Variants in RAD50 observed in about 807,000 individuals in gnomAD.
The protein encoded by RAD50 is DNA repair protein RAD50.
Under a neutral mutation model 168.8 loss-of-function variants are expected in RAD50, and 132 were observed. That is an observed-to-expected ratio of 0.78 (90% CI 0.68 to 0.90). RAD50 has a LOEUF of 0.90. Ranked by LOEUF, RAD50 falls within the 40% of genes least tolerant of loss-of-function variation. The pLI is 0.00. For missense variants in RAD50, 1,347 were observed against 1,534.4 expected, an observed-to-expected ratio of 0.88 and a Z score of 2.04; for synonymous variants, 525 against 497.4, an observed-to-expected ratio of 1.06 and a Z score of -0.74.
At chr5:132,608,210 G>C (rs1460367044) in intron 16 of RAD50, among the ~76,000 whole-genome samples, 1 of 152,210 alleles carries the variant, frequency 6.6e-6, no homozygotes, top group Non-Finnish European at 1.5e-5. Context: ...TGATCATGCA[G>C]CAGTGACGGG....
chr5:132,637,091 A>G (rs1456324606), intron 21 of RAD50, 24 bp from the exon 22 acceptor site: 3 of 1,582,206 alleles, frequency 1.9e-6, no homozygotes, highest in Non-Finnish European at 2.6e-6. Context: ...ATATATATGA[A>G]GTACCAATGA....
chr5:132,641,207 A>T (rs1190785685), intron 24 of RAD50, among the ~76,000 whole-genome samples: 1 of 152,168 alleles, frequency 6.6e-6, no homozygotes, highest in East Asian at 1.9e-4. Context: ...CCAGCTTTCC[A>T]CATGTGTCAG....
In RAD50 at chr5:132,589,610, AT is replaced by A; in HGVS notation, c.1246-19del. On this transcript the variant is annotated intron_variant, in intron 8 of 24. Coordinates refer to ENST00000378823, the MANE Select transcript of RAD50 (RefSeq NM_005732.4). ...ATTGTTTAGTAAATTATTAATGCTC[AT>A]TCTTTACATATGCATTTAGAATGAC... The A allele has an allele frequency of 6.6e-7, 1 of 1,518,256 alleles. No homozygotes were observed. Among genetic ancestry groups the A allele is most frequent in the Non-Finnish European group, 8.9e-7 (1 of 1,119,110 alleles). The allele number at this position is 1,518,256 out of a possible 1,614,324, so 94.0% of individuals were successfully genotyped here. A position where few individuals can be genotyped will look rare whatever the true frequency, so the allele number is the denominator to read the frequency against.
intron 1 of RAD50, 73 bp downstream of exon 1, chr5:132,557,526 C>T (rs1368508819): frequency 6.3e-7 from 1 of 1,592,628 alleles, no homozygotes; most frequent in East Asian, 2.2e-5. Context: ...AAGTTGAGAA[C>T]TCTCCTTAGG....
rs1361516051 is a variant in RAD50, at chr5:132,594,911, T to C, written c.1836T>C (p.Asn612=). 1 of 1,606,970 alleles carries C rather than the reference T, an allele frequency of 6.2e-7. No homozygotes were observed. The highest frequency in any genetic ancestry group is 1.1e-5 in the South Asian group (1 of 90,910). ...ASSEQNKNHI[N]NELKRKEEQL... ...CTGAGCAGAATAAAAATCATATAAA[T>C]AATGAACTAAAAAGAAAGGAAGAGC... Residue 612 remains asparagine (N), a synonymous_variant, in exon 12 of 25, where the codon AAT becomes AAC. Coordinates refer to ENST00000378823, the MANE Select transcript of RAD50 (RefSeq NM_005732.4).
At chr5:132,562,816 C>T (rs1433630109) in intron 2 of RAD50, among the ~76,000 whole-genome samples, 2 of 152,050 alleles carry the variant, frequency 1.3e-5, no homozygotes, top group African/African-American at 4.8e-5. Flanking sequence ...TAACCTAGAG[C>T]ACTAGAGCCG....
chr5:132,585,575 T>C (rs1436934159), intron 5 of RAD50, among the ~76,000 whole-genome samples: 1 of 151,704 alleles, frequency 6.6e-6, no homozygotes, highest in Non-Finnish European at 1.5e-5. Context: ...CATTTTATTA[T>C]TGAGCTGTGA....
chr5:132,601,441 G>A (rs1008076779), intron 13 of RAD50, among the ~76,000 whole-genome samples: 1 of 152,156 alleles, frequency 6.6e-6, no homozygotes, highest in African/African-American at 2.4e-5. Flanking sequence ...TCTTCACAGA[G>A]ATGTCCCCAG....
intron 2 of RAD50, among the ~76,000 whole-genome samples, chr5:132,571,963 A>G (rs568962254): frequency 3.3e-5 from 5 of 152,348 alleles, no homozygotes; most frequent in Admixed American, 6.5e-5. Flanking sequence ...CTGAGCAACT[A>G]TTTCAGGCTG....
rs1581005013 is a variant in RAD50, at chr5:132,609,405, G to A, written c.3036+9G>A. 1 of 1,613,320 alleles carries A rather than the reference G, an allele frequency of 6.2e-7. No homozygotes were observed. The highest frequency in any genetic ancestry group is 8.5e-7 in the Non-Finnish European group (1 of 1,179,620). On this transcript the variant is annotated intron_variant, in intron 19 of 24. Coordinates refer to ENST00000378823, the MANE Select transcript of RAD50 (RefSeq NM_005732.4). ...ATATTGATACACAGAAGGTAGGTCT[G>A]TTTTGCTTATGATATCACTTACACC... is the stretch of plus-strand genomic sequence containing the variant.
At chr5:132,568,054 AT>A (rs1040091014) in intron 2 of RAD50, among the ~76,000 whole-genome samples, 1 of 151,312 alleles carries the variant, frequency 6.6e-6, no homozygotes, top group Non-Finnish European at 1.5e-5. Context: ...GCAGACAAGG[AT>A]TTTTTTTTAA....
intron 13 of RAD50, chr5:132,600,001 G>A (rs1433226752): frequency 6.6e-6 from 1 of 152,220 alleles, no homozygotes; most frequent in Admixed American, 6.5e-5. Flanking sequence ...GGTTATTGGT[G>A]AAGAGGGGTA....
chr5:132,617,894 G>GCCCT (rs1416902221), intron 20 of RAD50, among the ~76,000 whole-genome samples, 176 bp from the exon 21 acceptor site: 1 of 152,194 alleles, frequency 6.6e-6, no homozygotes, highest in East Asian at 1.9e-4. Context: ...GGAAGGAAGA[G>GCCCT]AGGGGTTTTC....
chr5:132,559,172 T>G, intron 1 of RAD50, 112 bp from the exon 2 acceptor site: 3 of 1,082,888 alleles, frequency 2.8e-6, no homozygotes, highest in Non-Finnish European at 3.9e-6. Context: ...AATGTCAGAT[T>G]TTATCTTTTA....
At chr5:132,581,400 G>A (rs1463126572) in intron 5 of RAD50, among the ~76,000 whole-genome samples, 1 of 152,122 alleles carries the variant, frequency 6.6e-6, no homozygotes, top group Non-Finnish European at 1.5e-5. Context: ...GATTACAGGC[G>A]TGAGCCACCG....
chr5:132,596,896 A>G (rs1008629276), intron 13 of RAD50, among the ~76,000 whole-genome samples: 4 of 152,232 alleles, frequency 2.6e-5, no homozygotes, highest in African/African-American at 7.2e-5. Flanking sequence ...AGCTCAACTG[A>G]GAGGAGACGG....
At chr5:132,605,982 G>A (rs1750979119) in intron 16 of RAD50, among the ~76,000 whole-genome samples, 1 of 152,198 alleles carries the variant, frequency 6.6e-6, no homozygotes, top group Non-Finnish European at 1.5e-5. Flanking sequence ...TTAAAGCACT[G>A]TGTAGAGGGA....
chr5:132,613,594 CTTTT>C (rs869151568), intron 19 of RAD50, among the ~76,000 whole-genome samples: 1 of 111,160 alleles, frequency 9.0e-6, no homozygotes, highest in Non-Finnish European at 1.8e-5. Context: ...TCACAATAGT[CTTTT>C]TTTTTTTTTT....
At chr5:132,613,255 T>C (rs1751117125) in intron 19 of RAD50, among the ~76,000 whole-genome samples, 1 of 152,134 alleles carries the variant, frequency 6.6e-6, no homozygotes, top group Admixed American at 6.6e-5. Flanking sequence ...ATAAAATAAT[T>C]TGGAAACTTA....
Sources: gnomAD v4.1 joint callset for allele counts (sites outside exome capture counted in the v4.1 genomes callset) on GRCh38, gnomAD v4.1.1 for gene constraint, MANE v1.5 for transcripts, NCBI Gene and HGNC (gene_info 2026-07-23, HGNC 2026-07-21) for gene names.